The following DCLRE1C variants were observed in gnomAD, a reference collection of about 807,000 sequenced individuals.
DCLRE1C encodes protein artemis.
Under a neutral mutation model 61.4 loss-of-function variants are expected in DCLRE1C, and 47 were observed. That is an observed-to-expected ratio of 0.77 (90% CI 0.61 to 0.98). The LOEUF (loss-of-function observed/expected upper bound fraction) is 0.98, where lower values mean the gene tolerates loss of function less well. Ranked by LOEUF, DCLRE1C falls within the 50% of genes least tolerant of loss-of-function variation. The pLI, the probability that DCLRE1C is intolerant of heterozygous loss-of-function variation, is 0.00. For synonymous variants in DCLRE1C, 337 were observed against 287.6 expected (o/e 1.17, Z -1.74); for missense variants, 858 against 816.0 (o/e 1.05, Z -0.63).
In DCLRE1C at chr10:14,914,260, C is replaced by T. The variant is rs144906671; in HGVS notation, c.1157-4930G>A. On this transcript the variant is annotated intron_variant, in intron 13 of 13. Coordinates refer to ENST00000378278, the MANE Select transcript of DCLRE1C (RefSeq NM_001033855.3). ...CAAATGGCTCTAGTAGATTGTAGAA[C>T]TAAGAATGTTACCAGGGGATAGACT... Among the ~76,000 whole-genome samples, 92 of 152,226 alleles carry T rather than the reference C, an allele frequency of 6.0e-4. 1 individual carries two copies. In the East Asian group the frequency reaches 0.015, roughly 24 times the overall value.
At chr10:14,913,961 C>T (rs974846525) in intron 13 of DCLRE1C, among the ~76,000 whole-genome samples, 1 of 152,122 alleles carries the variant, frequency 6.6e-6, no homozygotes. Context: ...TAAACAGAAT[C>T]AGTCAGTAAT....
rs528699445 is a variant in DCLRE1C, at chr10:14,934,486, C to T, written c.572G>A (p.Arg191Gln). 34 of 1,614,216 alleles carry T rather than the reference C, an allele frequency of 2.1e-5. 2 individuals are homozygous for T. The Middle Eastern group carries it at 3.0e-3, about 141-fold the overall frequency. ...GTACGGGCTCCGAGTGATCCAGCTT[C>T]GGACCAGCTCTAAGACTCCACTTAA... is the stretch of plus-strand genomic sequence containing the variant. ...ECLSGVLELV[R>Q]SWITRSPYHV... Residue 191 changes from arginine to glutamine, a missense_variant, in exon 8 of 14, where the codon CGA becomes CAA. Arg to Gln is a conservative substitution (Grantham distance 43). This residue lies in a region of DCLRE1C where 843 missense variants were observed against 783.5 expected (regional missense o/e 1.08). Coordinates refer to ENST00000378278, the MANE Select transcript of DCLRE1C (RefSeq NM_001033855.3).
chr10:14,903,941 A>G (rs560109337), downstream of DCLRE1C: 3 of 152,182 alleles, frequency 2.0e-5, no homozygotes, highest in South Asian at 2.1e-4. Context: ...TGACAACTTC[A>G]CTCTTTCATA....
intron 9 of DCLRE1C, 54 bp downstream of exon 9, chr10:14,932,800 C>G: frequency 6.2e-7 from 1 of 1,602,168 alleles, no homozygotes; most frequent in Non-Finnish European, 8.6e-7. Flanking sequence ...CCTGACCTTT[C>G]TTCTTTTTCA....
At chr10:14,901,218 C>T (rs747574907), downstream of DCLRE1C, 1 of 1,614,018 alleles carries the variant, frequency 6.2e-7, no homozygotes, top group Admixed American at 1.7e-5. Context: ...TCCACAAGAA[C>T]CATAAATGCT....
At chr10:14,932,635 CA>C (rs370645225) in intron 9 of DCLRE1C, among the ~76,000 whole-genome samples, 30 of 141,424 alleles carry the variant, frequency 2.1e-4, no homozygotes, top group South Asian at 4.4e-4. Flanking sequence ...GACTCCATCT[CA>C]AAAAAAAAAA....
chr10:14,917,774 G>A (rs1274567198), intron 13 of DCLRE1C, among the ~76,000 whole-genome samples: 1 of 152,068 alleles, frequency 6.6e-6, no homozygotes, highest in East Asian at 1.9e-4. Flanking sequence ...CTGTGATTGT[G>A]CCACTGTACT....
At chr10:14,926,429 C>T (rs981985169) in intron 11 of DCLRE1C, among the ~76,000 whole-genome samples, 1 of 152,072 alleles carries the variant, frequency 6.6e-6, no homozygotes, top group Non-Finnish European at 1.5e-5. Context: ...CCAAGGCAGA[C>T]GGATTACCTG....
chr10:14,951,412 A>G (rs1363643608), intron 1 of DCLRE1C, among the ~76,000 whole-genome samples: 2 of 145,664 alleles, frequency 1.4e-5, no homozygotes, highest in African/African-American at 5.1e-5. Flanking sequence ...AAAAAAAAAA[A>G]AAAAAAAAAG....
rs1455907382 is a variant in DCLRE1C at position 14,908,615 on chromosome 10, T to C, written c.1872A>G (p.Leu624=). The C allele has an allele frequency of 6.2e-7, 1 of 1,614,188 alleles. No individual in the cohort carries two copies. Among genetic ancestry groups the C allele is most frequent in the East Asian group, 2.2e-5 (1 of 44,874 alleles). Residue 624 remains leucine (L), a synonymous_variant, in exon 14 of 14, where the codon CTA becomes CTG. Transcript: ENST00000378278. ...IVPSTGEPTT[L]SSETHIPEEK... ...CCTCGGGTATATGTGTCTCACTGCT[T>C]AGAGTAGTTGGTTCTCCAGTACTAG...
chr10:14,906,801 C>G lies in DCLRE1C; in HGVS notation c.*1607G>C, dbSNP rs1045679337. On this transcript the variant is annotated 3_prime_UTR_variant, in exon 14 of 14. Coordinates refer to ENST00000378278, the MANE Select transcript of DCLRE1C (RefSeq NM_001033855.3). The stretch of plus-strand genomic sequence containing the variant: ...TTAAAACTTGTTAAAAATCCTCATA[C>G]ATAACACAAAAGCCTAACACATTGA... Among the ~76,000 whole-genome samples the G allele has an allele frequency of 1.3e-5, 2 of 152,218 alleles. No individual in the cohort carries two copies. The highest frequency in any genetic ancestry group is 4.8e-5 in the African/African-American group (2 of 41,456).
chr10:14,928,758 C>A (rs568287024), intron 9 of DCLRE1C, among the ~76,000 whole-genome samples: 10 of 150,110 alleles, frequency 6.7e-5, no homozygotes, highest in Admixed American at 1.3e-4. Context: ...GTTGGCAACG[C>A]AGCAAATCCA....
At chr10:14,901,301 A>C, downstream of DCLRE1C, 1 of 1,611,160 alleles carries the variant, frequency 6.2e-7, no homozygotes, top group Non-Finnish European at 8.5e-7. Context: ...TGTCAGTTTC[A>C]ATATGAAGAA....
intron 13 of DCLRE1C, chr10:14,899,318 T>TAA: frequency 9.8e-6 from 6 of 610,672 alleles, no homozygotes; most frequent in Admixed American, 2.5e-5. Context: ...AGACCCTGTT[T>TAA]AAAAAAAAAA....
chr10:14,939,107 A>G (rs1408301205), intron 4 of DCLRE1C, among the ~76,000 whole-genome samples: 2 of 152,096 alleles, frequency 1.3e-5, no homozygotes, highest in East Asian at 1.9e-4. Flanking sequence ...CTGCCCCTTT[A>G]CTATGGGAGG....
intron 9 of DCLRE1C, among the ~76,000 whole-genome samples, chr10:14,930,397 T>C (rs1394497511): frequency 6.7e-6 from 1 of 149,684 alleles, no homozygotes; most frequent in Non-Finnish European, 1.5e-5. Context: ...CCTCCCAAAG[T>C]GCTGGGATTA....
chr10:14,899,399 TTGTG>T, intron 13 of DCLRE1C: 1 of 872,270 alleles, frequency 1.1e-6, no homozygotes, highest in Non-Finnish European at 1.8e-6. Context: ...GAGTCTTAGT[TTGTG>T]TGAATGTTTG....
chr10:14,908,179 T>C lies in DCLRE1C; in HGVS notation c.*229A>G. The C allele has an allele frequency of 3.5e-6, 1 of 283,144 alleles. No individual in the cohort carries two copies. The highest frequency in any genetic ancestry group is 6.2e-6 in the Non-Finnish European group (1 of 161,466). 17.5% of individuals were successfully genotyped at this position (283,144 alleles called of 1,614,324 possible). A position where few individuals can be genotyped will look rare whatever the true frequency, so the allele number is the denominator to read the frequency against. ...ACCATGCCTGGCTTTTTTTTTTTTTTTTTTTTTTGTAAGTAGAGACACATT... is the reference window on the plus strand; with the variant it reads ...ACCATGCCTGGCTTTTTTTTTTTTTCTTTTTTTTGTAAGTAGAGACACATT... On this transcript the variant is annotated 3_prime_UTR_variant, in exon 14 of 14. Transcript: ENST00000378278.
Position 14,928,137 on chromosome 10 carries a change from G to A in DCLRE1C, c.796C>T (p.Gln266Ter), listed in dbSNP as rs1379167576. 1 of 1,613,166 alleles carries A rather than the reference G, an allele frequency of 6.2e-7. No homozygotes were observed. The highest frequency in any genetic ancestry group is 1.1e-5 in the South Asian group (1 of 91,072). The change falls in exon 10 of 14, where the codon CAG (glutamine) becomes TAG (stop). Residue 266 changes from glutamine (Q) to a stop codon, truncating the protein, a stop_gained. Transcript: ENST00000378278. LOFTEE classifies it high-confidence loss of function. ...ATTCCACAGGGTAATTTGCTCCACT[G>A]AAAATATTCCTCTGCCTAAAAAAGA... is the stretch of plus-strand genomic sequence containing the variant. ...CRHPKAEEYFQWSKLPCGITS... is the reference protein window; with the variant it reads ...CRHPKAEEYF
Sources: gnomAD v4.1 joint callset for allele counts (sites outside exome capture counted in the v4.1 genomes callset) on GRCh38, gnomAD v4.1.1 for gene constraint, gnomAD v4.1.1 regional missense constraint, MANE v1.5 for transcripts, NCBI Gene and HGNC (gene_info 2026-07-23, HGNC 2026-07-21) for gene names.